HMCN1: variants seen among roughly 807,000 people sequenced by gnomAD.
HMCN1 encodes the protein hemicentin-1.
A neutral mutation model predicts 625.9 loss-of-function variants in HMCN1; 321 were observed. The ratio of observed to expected loss-of-function variants is 0.51; its 90% CI spans 0.47 to 0.56. The LOEUF (loss-of-function observed/expected upper bound fraction) is 0.56. Ranked by LOEUF, HMCN1 falls within the 20% of genes least tolerant of loss-of-function variation. The probability of loss-of-function intolerance (pLI) is 0.00; values close to 1 mark genes in which losing one functional copy is unlikely to be tolerated. For missense variants in HMCN1, 6,588 were observed against 6,887.3 expected (o/e 0.96, Z 1.54); for synonymous variants, 2,425 against 2,417.6 (o/e 1.00, Z -0.09).
intron 1 of HMCN1, among the ~76,000 whole-genome samples, chr1:185,792,306 T>C (rs1370793222): frequency 6.6e-6 from 1 of 152,176 alleles, no homozygotes; most frequent in African/African-American, 2.4e-5. Context: ...GTAAGTGAAA[T>C]ATAAGGTTTT....
chr1:185,950,850 A>G (rs1162714847), intron 11 of HMCN1, among the ~76,000 whole-genome samples: 6 of 151,838 alleles, frequency 4.0e-5, no homozygotes, highest in Admixed American at 6.5e-5. Context: ...GTTTGGCACC[A>G]TGGGGTGGAT....
chr1:185,981,325 TGCACAC>T (rs1327267204), intron 17 of HMCN1, among the ~76,000 whole-genome samples: 1 of 150,272 alleles, frequency 6.7e-6, no homozygotes, highest in Non-Finnish European at 1.5e-5. Flanking sequence ...AATACACACA[TGCACAC>T]ACACACACAC....
chr1:185,803,204 G>GAAAAAA (rs1557981375), intron 1 of HMCN1, among the ~76,000 whole-genome samples: 2 of 23,712 alleles, frequency 8.4e-5, no homozygotes, highest in Middle Eastern at 0.026. Flanking sequence ...AAAAAAAAAA[G>GAAAAAA]CAAAAAAAAA....
chr1:185,902,155 A>T (rs1665838730), intron 4 of HMCN1, among the ~76,000 whole-genome samples: 1 of 151,710 alleles, frequency 6.6e-6, no homozygotes, highest in Non-Finnish European at 1.5e-5. Flanking sequence ...TCCATTTATG[A>T]ATTGAGGAAT....
intron 41 of HMCN1, among the ~76,000 whole-genome samples, chr1:186,046,781 G>C (rs1394437658): frequency 6.6e-6 from 1 of 152,096 alleles, no homozygotes; most frequent in African/African-American, 2.4e-5. Context: ...AAATAATGTT[G>C]AAAAGGTTGA....
chr1:185,912,203 G>A (rs1362180396), intron 6 of HMCN1, among the ~76,000 whole-genome samples: 1 of 152,140 alleles, frequency 6.6e-6, no homozygotes, highest in Non-Finnish European at 1.5e-5. Context: ...TCTGTGCATG[G>A]CTTTCCTTCT....
At chr1:186,149,559 T>G (rs1650545548) in intron 93 of HMCN1, among the ~76,000 whole-genome samples, 3 of 152,240 alleles carry the variant, frequency 2.0e-5, no homozygotes, top group South Asian at 2.1e-4. Context: ...AAAATAAGGT[T>G]GTTTCACTTT....
intron 17 of HMCN1, among the ~76,000 whole-genome samples, chr1:185,981,745 A>T (rs1262203210): frequency 1.3e-5 from 2 of 152,044 alleles, no homozygotes; most frequent in African/African-American, 4.8e-5. Context: ...TGTTAAATTT[A>T]TTCATTAATT....
chr1:186,076,263 A>G (rs1304800020), intron 53 of HMCN1, among the ~76,000 whole-genome samples, 165 bp from the exon 54 acceptor site: 2 of 152,122 alleles, frequency 1.3e-5, no homozygotes, highest in Non-Finnish European at 1.5e-5. Context: ...ACTTTCGTGT[A>G]CTACTTTTTT....
chr1:186,076,550 C>T lies in HMCN1; in HGVS notation c.8413C>T (p.Pro2805Ser). 1.9e-6 allele frequency: 3 copies of T among 1,613,772 alleles called. No individual in the cohort carries two copies. The highest frequency in any genetic ancestry group is 2.2e-5 in the East Asian group (1 of 44,854). The stretch of plus-strand genomic sequence containing the variant: ...TCTTTACTGTGAGACAAATGCTGCT[C>T]CCCCTCCTACACTGACATGGTACAA... Reference protein sequence around the residue: ...ISLYCETNAAPPPTLTWYKDG... With the variant: ...ISLYCETNAASPPTLTWYKDG... The change falls in exon 54 of 107, where the codon CCC becomes TCC. Residue 2805 changes from proline to serine, a missense_variant. Coordinates refer to ENST00000271588, the MANE Select transcript of HMCN1 (RefSeq NM_031935.3).
intron 1 of HMCN1, among the ~76,000 whole-genome samples, chr1:185,781,816 T>A (rs1657136565): frequency 6.6e-6 from 1 of 152,246 alleles, no homozygotes; most frequent in Admixed American, 6.5e-5. Context: ...GAGAAGCATG[T>A]ATGTTCTGTT....
At chr1:186,150,871 ACT>A (rs945341027) in intron 93 of HMCN1, among the ~76,000 whole-genome samples, 1 of 151,466 alleles carries the variant, frequency 6.6e-6, no homozygotes, top group Non-Finnish European at 1.5e-5. Flanking sequence ...TGCTCAATAA[ACT>A]CTCATTGTCA....
chr1:185,984,940 T>TA (rs1003996399), intron 19 of HMCN1, among the ~76,000 whole-genome samples: 55 of 151,850 alleles, frequency 3.6e-4, no homozygotes, highest in East Asian at 7.7e-4. Flanking sequence ...ATTGCTTTTT[T>TA]AAAAAAAACA....
chr1:186,117,209 T>G, intron 76 of HMCN1, 94 bp downstream of exon 76: 2 of 1,533,312 alleles, frequency 1.3e-6, no homozygotes, highest in Non-Finnish European at 1.8e-6. Flanking sequence ...CTTTTTTTTT[T>G]TAAACATTTA....
Position 186,110,848 on chromosome 1 carries a change from G to T in HMCN1, c.10990-1964G>T, listed in dbSNP as rs577886348. ...AAGGTGGGGGAAGGGGAGGACTGCA[G>T]GTGTGGGGCTTTAATTTTCTCAGTG... On this transcript the variant is annotated intron_variant, in intron 71 of 106. Transcript: ENST00000271588. Among the ~76,000 whole-genome samples, 18 of 152,006 alleles carry T rather than the reference G, an allele frequency of 1.2e-4. No individual in the cohort carries two copies. The South Asian group carries it at 2.3e-3, about 19-fold the overall frequency.
At chr1:186,172,899 G>C (rs187091678) in intron 102 of HMCN1, among the ~76,000 whole-genome samples, 203 of 152,260 alleles carry the variant, frequency 1.3e-3, no homozygotes, top group African/African-American at 4.7e-3. Context: ...ATACCCAAGA[G>C]AGTGACTGTA....
At chr1:185,914,496 C>A (rs965698339) in intron 6 of HMCN1, among the ~76,000 whole-genome samples, 3 of 152,016 alleles carry the variant, frequency 2.0e-5, no homozygotes, top group African/African-American at 7.2e-5. Context: ...AAGGACCACC[C>A]AATTGAGCCT....
In HMCN1 at chr1:186,190,757, A is replaced by G. The variant is rs949245184; in HGVS notation, c.*879A>G. On this transcript the variant is annotated 3_prime_UTR_variant, in exon 107 of 107. Coordinates refer to ENST00000271588, the MANE Select transcript of HMCN1 (RefSeq NM_031935.3). ...AAATTAACATAAATATTACACGTCA[A>G]TACACTGTACATGGTGGTAATAGAC... is the stretch of plus-strand genomic sequence containing the variant. The G allele has an allele frequency of 1.0e-5, 2 of 196,716 alleles. No homozygotes were observed. The highest frequency in any genetic ancestry group is 2.1e-5 in the Non-Finnish European group (2 of 94,640). The allele number at this position is 196,716 out of a possible 1,614,324, so 12.2% of individuals were successfully genotyped here.
Position 185,734,937 on chromosome 1 carries a change from A to G in HMCN1, c.158A>G (p.Tyr53Cys). The G allele has an allele frequency of 6.2e-7, 1 of 1,614,062 alleles. No individual in the cohort carries two copies. Among genetic ancestry groups the G allele is most frequent in the Non-Finnish European group, 8.5e-7 (1 of 1,180,006 alleles). ...GTGTTTGATGTGACTGGTTCTATGTATGATGATTTAGTTCAGGTGATTGAA... is the reference window on the plus strand; with the variant it reads ...GTGTTTGATGTGACTGGTTCTATGTGTGATGATTTAGTTCAGGTGATTGAA... Reference protein sequence around the residue: ...AFVFDVTGSMYDDLVQVIEGA... With the variant: ...AFVFDVTGSMCDDLVQVIEGA... The change falls in exon 1 of 107, where the codon TAT (tyrosine) becomes TGT (cysteine). Residue 53 changes from tyrosine (Y) to cysteine (C), a missense_variant. By Grantham distance (194) the Tyr-to-Cys change is radical (BLOSUM62 -2). Transcript: ENST00000271588.
Sources: allele counts gnomAD v4.1 joint callset (sites outside exome capture counted in the v4.1 genomes callset), GRCh38; gene constraint gnomAD v4.1.1; transcripts MANE v1.5; gene names NCBI Gene and HGNC (gene_info 2026-07-23, HGNC 2026-07-21).